Variants in LRBA observed in about 807,000 individuals in gnomAD.
LRBA encodes the protein LPS responsive beige-like anchor protein.
In LRBA, 176 loss-of-function variants were observed where a neutral mutation model predicts 330.0. The observed-to-expected ratio is 0.53, with a 90% CI of 0.47 to 0.60. LRBA has a LOEUF of 0.60. LRBA is among the 20% of genes least tolerant of loss of function. LRBA has a pLI of 0.00. For synonymous variants in LRBA, 1,230 were observed against 1,193.0 expected, an observed-to-expected ratio of 1.03 and a Z score of -0.64; for missense variants, 3,259 against 3,444.8, an observed-to-expected ratio of 0.95 and a Z score of 1.35.
At position 150,957,146 on chromosome 4, in the gene LRBA, G is replaced by A. The variant is rs535117310; in HGVS notation, c.217-28081C>T. Among the ~76,000 whole-genome samples, 18 of 148,744 alleles carry A rather than the reference G, an allele frequency of 1.2e-4. 2 individuals are homozygous for A. Among genetic ancestry groups the A allele is most frequent in the African/African-American group, 4.2e-4 (16 of 38,222 alleles). ...ATACCATTTCTCACTAAAAATCAGG[G>A]CTTCTTGAAGGAGTAGCTTGTATTA... On this transcript the variant is annotated intron_variant, in intron 2 of 56. Coordinates refer to ENST00000651943, the MANE Select transcript of LRBA (RefSeq NM_001364905.1).
chr4:150,346,493 G>A (rs539861532), intron 48 of LRBA, among the ~76,000 whole-genome samples: 15 of 152,070 alleles, frequency 9.9e-5, no homozygotes, highest in Middle Eastern at 3.4e-3. Context: ...CGGGTGCGGT[G>A]GCTCATGCCT....
At chr4:150,390,346 A>G (rs1743745456) in intron 47 of LRBA, among the ~76,000 whole-genome samples, 1 of 152,138 alleles carries the variant, frequency 6.6e-6, no homozygotes. Context: ...ATCTTTTCTG[A>G]GAATGGAAAA....
At position 150,552,873 on chromosome 4, in the gene LRBA, T is replaced by C. The variant is rs561492857; in HGVS notation, c.6330+35175A>G. Among the ~76,000 whole-genome samples the C allele has an allele frequency of 5.5e-4, 83 of 151,562 alleles. 1 individual carries two copies. The highest frequency in any genetic ancestry group is 1.0e-3 in the Non-Finnish European group (69 of 67,866). ...TCACGAGGTCAGGAGATCGAGACCA[T>C]CCTGGATAGCACGGTGAAACCCCGT... On this transcript the variant is annotated intron_variant, in intron 40 of 56. Coordinates refer to ENST00000651943, the MANE Select transcript of LRBA (RefSeq NM_001364905.1).
intron 44 of LRBA, among the ~76,000 whole-genome samples, chr4:150,450,389 T>G (rs1371019049): frequency 1.3e-5 from 2 of 152,196 alleles, no homozygotes; most frequent in Admixed American, 1.3e-4. Flanking sequence ...ATGCTCTCTT[T>G]GAAGCCTCTA....
rs1297090023 is a variant in LRBA at position 150,905,907 on chromosome 4, C to T, written c.1686G>A (p.Met562Ile). ...SKYLSNLQNG[M>I]PLLKQLCDHV... ...GATCACACAATTGCTTGAGCAGGGG[C>T]ATCCCATTCTGCAGATTACTCAGAT... The change falls in exon 13 of 57, where the codon ATG (methionine) becomes ATA (isoleucine). Residue 562 changes from methionine to isoleucine, a missense_variant. Met to Ile is a conservative substitution (Grantham distance 10). Transcript: ENST00000651943. 6.2e-7 allele frequency: 1 copy of T among 1,613,466 alleles called. No individual in the cohort carries two copies. The highest frequency in any genetic ancestry group is 1.7e-5 in the Admixed American group (1 of 59,996).
intron 2 of LRBA, among the ~76,000 whole-genome samples, chr4:151,011,964 C>T (rs1021354213): frequency 1.2e-4 from 19 of 152,034 alleles, no homozygotes; most frequent in Non-Finnish European, 1.2e-4. Flanking sequence ...AGCCACTGTG[C>T]GCAGCTGCTT....
intron 47 of LRBA, among the ~76,000 whole-genome samples, chr4:150,370,219 CA>C (rs1002975607): frequency 6.6e-6 from 1 of 152,152 alleles, no homozygotes; most frequent in African/African-American, 2.4e-5. Flanking sequence ...TATGCTCACA[CA>C]AAATCCTTAA....
At chr4:150,565,795 T>C (rs1769048725) in intron 40 of LRBA, among the ~76,000 whole-genome samples, 1 of 152,152 alleles carries the variant, frequency 6.6e-6, no homozygotes. Flanking sequence ...TATATGTATG[T>C]ATGTTTAAAT....
intron 37 of LRBA, among the ~76,000 whole-genome samples, chr4:150,678,973 A>T (rs889188410): frequency 1.3e-5 from 2 of 152,110 alleles, no homozygotes; most frequent in Non-Finnish European, 2.9e-5. Context: ...TTCACTACAA[A>T]TTCATTGATA....
chr4:150,834,029 A>C (rs1306965351), intron 28 of LRBA, among the ~76,000 whole-genome samples: 2 of 152,194 alleles, frequency 1.3e-5, no homozygotes, highest in African/African-American at 4.8e-5. Flanking sequence ...TTGGAGTATT[A>C]TCATGACATT....
At chr4:150,411,960 T>TA (rs1014317264) in intron 47 of LRBA, among the ~76,000 whole-genome samples, 3 of 152,148 alleles carry the variant, frequency 2.0e-5, no homozygotes, top group Non-Finnish European at 4.4e-5. Context: ...ACTAACAATT[T>TA]AGTCACTTGT....
In LRBA at chr4:150,487,593, C is replaced by T. The variant is rs575125272; in HGVS notation, c.6551+139G>A. 74 of 425,912 alleles carry T rather than the reference C, an allele frequency of 1.7e-4. No homozygotes were observed. The South Asian group carries it at 3.5e-3, about 20-fold the overall frequency. The allele number at this position is 425,912 out of a possible 1,614,324, so 26.4% of individuals were successfully genotyped here. Reference sequence around the variant, plus strand: ...CTAATAATCATTATTTACTATGAAACATAAAACAGAAAGTTATAAATTTCA... The same window carrying T: ...CTAATAATCATTATTTACTATGAAATATAAAACAGAAAGTTATAAATTTCA... On this transcript the variant is annotated intron_variant, in intron 42 of 56. Coordinates refer to ENST00000651943, the MANE Select transcript of LRBA (RefSeq NM_001364905.1).
chr4:150,809,574 G>C (rs1329005222), intron 31 of LRBA, among the ~76,000 whole-genome samples: 1 of 152,164 alleles, frequency 6.6e-6, no homozygotes, highest in African/African-American at 2.4e-5. Flanking sequence ...GCCATTTTTG[G>C]CCAGGTGCAG....
chr4:150,435,810 C>T (rs1751037902), intron 45 of LRBA, 102 bp from the exon 46 acceptor site: 1 of 723,682 alleles, frequency 1.4e-6, no homozygotes, highest in African/African-American at 1.8e-5. Context: ...AATAGGCATT[C>T]ACTAGTAATA....
chr4:150,841,020 T>A lies in LRBA; in HGVS notation c.4569+3080A>T, dbSNP rs551530926. The stretch of plus-strand genomic sequence containing the variant: ...ATCCGTGATCTGACAAAATCTATGA[T>A]ATTTTGCAGGTTCATATGTAATGAC... On this transcript the variant is annotated intron_variant, in intron 28 of 56. Transcript: ENST00000651943. 9 of 1,258,188 alleles carry A rather than the reference T, an allele frequency of 7.2e-6. No homozygotes were observed. In the East Asian group the frequency reaches 4.6e-4, roughly 65 times the overall value. The allele number at this position is 1,258,188 out of a possible 1,614,324, so 77.9% of individuals were successfully genotyped here.
chr4:150,693,162 G>C (rs1362984563), intron 36 of LRBA, among the ~76,000 whole-genome samples: 1 of 152,160 alleles, frequency 6.6e-6, no homozygotes, highest in African/African-American at 2.4e-5. Flanking sequence ...AGTAATGAAA[G>C]AGAAGTTGAA....
intron 4 of LRBA, among the ~76,000 whole-genome samples, chr4:150,921,567 C>CT (rs542977688): frequency 1.5e-3 from 223 of 149,618 alleles, no homozygotes; most frequent in Admixed American, 1.9e-3. Context: ...CAAAAATGAT[C>CT]TTTTTTTTTT....
intron 35 of LRBA, among the ~76,000 whole-genome samples, chr4:150,743,332 A>T (rs1323572553): frequency 6.6e-6 from 1 of 152,220 alleles, no homozygotes; most frequent in African/African-American, 2.4e-5. Context: ...TGTGGAAAAT[A>T]TTCCTCATGA....
At chr4:150,730,678 GAAAA>G (rs112842947) in intron 36 of LRBA, among the ~76,000 whole-genome samples, 2 of 89,896 alleles carry the variant, frequency 2.2e-5, no homozygotes, top group Admixed American at 1.4e-4. Context: ...GTGAGGCTCT[GAAAA>G]AAAAAAAAAA....
Sources: allele counts gnomAD v4.1 joint callset (sites outside exome capture counted in the v4.1 genomes callset), GRCh38; gene constraint gnomAD v4.1.1; transcripts MANE v1.5; gene names NCBI Gene and HGNC (gene_info 2026-07-23, HGNC 2026-07-21).